IPPK: variants seen among roughly 807,000 people sequenced by gnomAD.
IPPK encodes IPK1 homolog.
Under a neutral mutation model 64.6 loss-of-function variants are expected in IPPK, and 22 were observed. That is an observed-to-expected ratio of 0.34 (90% CI 0.24 to 0.49). The LOEUF (loss-of-function observed/expected upper bound fraction) is 0.49. Among genes scored for constraint, IPPK ranks in the 20% least tolerant of loss-of-function variants. The probability of loss-of-function intolerance (pLI) is 0.99; values close to 1 mark genes in which losing one functional copy is unlikely to be tolerated. For synonymous variants in IPPK, 262 were observed against 247.2 expected (o/e 1.06, Z -0.56); for missense variants, 532 against 630.7 (o/e 0.84, Z 1.68).
chr9:92,615,771 ATATCTC>A lies in IPPK; in HGVS notation c.*55_*60del. On this transcript the variant is annotated 3_prime_UTR_variant, in exon 13 of 13. Transcript: ENST00000287996. ...CAAAGGTCACCCAACACAACAGAAA[ATATCTC>A]TATCATTCAGCCTTCACATTATGTT... 7.3e-7 allele frequency: 1 copy of A among 1,372,998 alleles called. No individual in the cohort carries two copies. Among genetic ancestry groups the A allele is most frequent in the South Asian group, 1.2e-5 (1 of 83,022 alleles). The allele number at this position is 1,372,998 out of a possible 1,614,324, so 85.1% of individuals were successfully genotyped here.
At chr9:92,648,176 A>T (rs1019609220) in intron 5 of IPPK, 28 bp from the exon 6 acceptor site, 10 of 1,509,454 alleles carry the variant, frequency 6.6e-6, no homozygotes, top group Non-Finnish European at 9.2e-6. Flanking sequence ...AAGGAGGAAA[A>T]ATATTTAGGA....
chr9:92,635,507 G>A lies in IPPK; in HGVS notation c.917-199C>T, dbSNP rs534808888. ...CTCACAGAGCTGCTGGAGCTGCAGC[G>A]TGCCTGGACCACACTGGATGCACCA... On this transcript the variant is annotated intron_variant, in intron 9 of 12. Transcript: ENST00000287996. This position sits in a 1 kb window ranked among gnomAD's most constrained non-coding sequence, Gnocchi z 4.4. Among the ~76,000 whole-genome samples, 11 of 152,312 alleles carry A rather than the reference G, an allele frequency of 7.2e-5. No individual in the cohort carries two copies. Among genetic ancestry groups the A allele is most frequent in the African/African-American group, 2.4e-4 (10 of 41,566 alleles).
At chr9:92,616,496 TAG>T in intron 12 of IPPK, 1 of 158,904 alleles carries the variant, frequency 6.3e-6, no homozygotes, top group Non-Finnish European at 1.4e-5. Flanking sequence ...AAGTAAAAAG[TAG>T]ATCTGGCCAT....
At chr9:92,643,162 A>C (rs1216758767) in intron 6 of IPPK, among the ~76,000 whole-genome samples, 2 of 152,240 alleles carry the variant, frequency 1.3e-5, no homozygotes, top group East Asian at 3.8e-4. Context: ...AGTAACAGGG[A>C]AGGTGTCCTT....
In IPPK at chr9:92,613,249, C is replaced by T; in HGVS notation, c.*2583G>A. ...CTATTTTCTGCTTAGAAACCACACCCTGAAGACGTGCTGTCTATGCAGTTA... is the reference window on the plus strand; with the variant it reads ...CTATTTTCTGCTTAGAAACCACACCTTGAAGACGTGCTGTCTATGCAGTTA... On this transcript the variant is annotated 3_prime_UTR_variant, in exon 13 of 13. Coordinates refer to ENST00000287996, the MANE Select transcript of IPPK (RefSeq NM_022755.6). The T allele has an allele frequency of 7.1e-7, 1 of 1,409,628 alleles. No individual in the cohort carries two copies. The highest frequency in any genetic ancestry group is 1.2e-5 in the South Asian group (1 of 82,726). 87.3% of individuals were successfully genotyped at this position (1,409,628 alleles called of 1,614,324 possible). A position where few individuals can be genotyped will look rare whatever the true frequency, so the allele number is the denominator to read the frequency against.
intron 1 of IPPK, among the ~76,000 whole-genome samples, chr9:92,661,006 T>C (rs1852471489): frequency 6.6e-6 from 1 of 152,222 alleles, no homozygotes; most frequent in South Asian, 2.1e-4. Context: ...TCAGTCCTTG[T>C]GGATAATAAA....
chr9:92,618,479 G>A (rs1331105891), intron 12 of IPPK: 2 of 456,542 alleles, frequency 4.4e-6, no homozygotes, highest in Admixed American at 4.7e-5. Flanking sequence ...GCCCACCTAA[G>A]GGCACCCTGC....
intron 3 of IPPK, among the ~76,000 whole-genome samples, chr9:92,652,964 G>C (rs1021403911): frequency 6.6e-6 from 1 of 152,160 alleles, no homozygotes; most frequent in Non-Finnish European, 1.5e-5. Context: ...CACCCCTTCC[G>C]AGCCCCCTTC....
rs1395454376 is a variant in IPPK, at chr9:92,613,498, T to G, written c.*2334A>C. ...ACCTTGGACATGGTGGCCACATTAC[T>G]CAGCTGGGAGAAGCCACCCTTATCC... On this transcript the variant is annotated 3_prime_UTR_variant, in exon 13 of 13. Coordinates refer to ENST00000287996, the MANE Select transcript of IPPK (RefSeq NM_022755.6). 1.1e-5 allele frequency: 3 copies of G among 265,760 alleles called. No homozygotes were observed. The highest frequency in any genetic ancestry group is 4.4e-5 in the African/African-American group (2 of 45,156). 16.5% of individuals were successfully genotyped at this position (265,760 alleles called of 1,614,324 possible).
chr9:92,628,408 T>C (rs966030356), intron 11 of IPPK, among the ~76,000 whole-genome samples: 2 of 152,176 alleles, frequency 1.3e-5, no homozygotes, highest in Non-Finnish European at 2.9e-5. Flanking sequence ...CTCACACTTC[T>C]CCATTTCAAA....
intron 11 of IPPK, among the ~76,000 whole-genome samples, chr9:92,628,564 G>C (rs1320330081): frequency 6.6e-6 from 1 of 152,180 alleles, no homozygotes. Context: ...ACTCAACGGG[G>C]AAAGAATAGT....
At chr9:92,655,286 G>T (rs775939990) in intron 3 of IPPK, among the ~76,000 whole-genome samples, 1 of 152,190 alleles carries the variant, frequency 6.6e-6, no homozygotes, top group Non-Finnish European at 1.5e-5. Flanking sequence ...GGGGTGCATC[G>T]TCAGCCTGGA....
intron 1 of IPPK, among the ~76,000 whole-genome samples, chr9:92,659,833 C>A (rs1302813870): frequency 6.6e-6 from 1 of 152,122 alleles, no homozygotes; most frequent in Non-Finnish European, 1.5e-5. Context: ...CCCAGGCACC[C>A]GGCCCCCTGG....
At chr9:92,655,767 A>G (rs1282269536) in intron 3 of IPPK, among the ~76,000 whole-genome samples, 1 of 152,184 alleles carries the variant, frequency 6.6e-6, no homozygotes, top group Non-Finnish European at 1.5e-5. Context: ...AATCTTCCTA[A>G]CAGGGGAACT....
At chr9:92,665,530 A>G (rs1852576620) in intron 1 of IPPK, among the ~76,000 whole-genome samples, 1 of 124,076 alleles carries the variant, frequency 8.1e-6, no homozygotes, top group Non-Finnish European at 1.6e-5. Flanking sequence ...TTAAAAATTA[A>G]TCTTTTTTCC....
chr9:92,618,515 C>T (rs891631368), intron 12 of IPPK: 1 of 456,636 alleles, frequency 2.2e-6, no homozygotes, highest in African/African-American at 2.0e-5. Context: ...CATTGCCCAG[C>T]TGCATCCTTG....
intron 10 of IPPK, 58 bp from the exon 11 acceptor site, chr9:92,634,546 A>T: frequency 4.1e-6 from 5 of 1,228,060 alleles, no homozygotes; most frequent in Non-Finnish European, 6.0e-6. Flanking sequence ...GTTGTTTCTT[A>T]AACTGCTAAC....
At chr9:92,666,259 C>T (rs1195205342) in intron 1 of IPPK, among the ~76,000 whole-genome samples, 1 of 152,118 alleles carries the variant, frequency 6.6e-6, no homozygotes, top group Non-Finnish European at 1.5e-5. Context: ...AGTGCATGAT[C>T]CAGATCTGAA....
chr9:92,638,227 C>G lies in IPPK; in HGVS notation c.690G>C (p.Trp230Cys). 6.2e-7 allele frequency: 1 copy of G among 1,614,236 alleles called. No individual in the cohort carries two copies. The stretch of plus-strand genomic sequence containing the variant: ...GCTTCAGGTGGTGTGCAAGCTCGCT[C>G]CAGTCAGCCACGGGGCTCCGGGCAT... ...CKDARSPVAD[W>C]SELAHHLKPF... The change falls in exon 9 of 13, where the codon TGG becomes TGC. Residue 230 changes from tryptophan to cysteine, a missense_variant. Coordinates refer to ENST00000287996, the MANE Select transcript of IPPK (RefSeq NM_022755.6).
Sources: gnomAD v4.1 joint callset for allele counts (sites outside exome capture counted in the v4.1 genomes callset) on GRCh38, gnomAD v4.1.1 for gene constraint, Gnocchi (gnomAD v3.1) non-coding constraint, MANE v1.5 for transcripts, NCBI Gene and HGNC (gene_info 2026-07-23, HGNC 2026-07-21) for gene names.